The following RORA variants were observed in gnomAD, a reference collection of about 807,000 sequenced individuals.
The protein encoded by RORA is nuclear receptor ROR-alpha.
Under a neutral mutation model 69.5 loss-of-function variants are expected in RORA, and 7 were observed. The ratio of observed to expected loss-of-function variants is 0.10; its 90% CI spans 0.06 to 0.19. The LOEUF is 0.19. Among genes scored for constraint, RORA ranks in the 10% least tolerant of loss-of-function variants. The pLI, the probability that RORA is intolerant of heterozygous loss-of-function variation, is 1.00. For missense variants in RORA, 457 were observed against 663.0 expected (o/e 0.69, Z 3.41); for synonymous variants, 261 against 240.8 (o/e 1.08, Z -0.78).
rs3985701 is a variant in RORA at position 60,984,801 on chromosome 15, C to CTTTTT, written c.166+244247_166+244251dup. Reference sequence around the variant, plus strand: ...AAGCCTGGGCTTGGACTACATATGTCTTTTTTTTTTTTTTTCCTGTTTCAT... The same window carrying CTTTTT: ...AAGCCTGGGCTTGGACTACATATGTCTTTTTTTTTTTTTTTTTTTTCCTGTTTCAT... On this transcript the variant is annotated intron_variant, in intron 1 of 10. Coordinates refer to ENST00000335670, the MANE Select transcript of RORA (RefSeq NM_134261.3). Among the ~76,000 whole-genome samples the CTTTTT allele has an allele frequency of 4.8e-3, 662 of 137,208 alleles. 8 individuals are homozygous for CTTTTT. The highest frequency in any genetic ancestry group is 6.0e-3 in the Admixed American group (82 of 13,674). The allele number at this position is 137,208 out of a possible 152,430, so 90.0% of individuals were successfully genotyped here.
intron 1 of RORA, among the ~76,000 whole-genome samples, chr15:60,842,897 C>T (rs1018604699): frequency 2.0e-5 from 3 of 152,200 alleles, no homozygotes; most frequent in Non-Finnish European, 2.9e-5. Flanking sequence ...TGCCAGCCCG[C>T]CACATCTGCT....
At chr15:60,880,361 C>T (rs1200715241) in intron 1 of RORA, among the ~76,000 whole-genome samples, 2 of 152,214 alleles carry the variant, frequency 1.3e-5, no homozygotes, top group Non-Finnish European at 2.9e-5. Flanking sequence ...TTGAATTTCA[C>T]CAGGCACGGT....
At chr15:60,671,680 C>G (rs1020460599) in intron 2 of RORA, among the ~76,000 whole-genome samples, 1 of 151,806 alleles carries the variant, frequency 6.6e-6, no homozygotes, top group Non-Finnish European at 1.5e-5. Context: ...GGCGTGATCT[C>G]GGCTCACTGC....
chr15:60,763,435 T>TAAC (rs2071930394), intron 1 of RORA, among the ~76,000 whole-genome samples: 1 of 152,192 alleles, frequency 6.6e-6, no homozygotes, highest in South Asian at 2.1e-4. Flanking sequence ...TATTTTTCCT[T>TAAC]AACTTTCTTT....
chr15:60,663,891 T>G (rs2070342840), intron 2 of RORA, among the ~76,000 whole-genome samples: 1 of 152,068 alleles, frequency 6.6e-6, no homozygotes. Flanking sequence ...TTAACCCAAC[T>G]CTCCAGAATT....
At chr15:60,958,081 C>T (rs1023254978) in intron 1 of RORA, among the ~76,000 whole-genome samples, 2 of 151,956 alleles carry the variant, frequency 1.3e-5, no homozygotes, top group East Asian at 3.9e-4. Context: ...ATAAATTATT[C>T]AGAAACCTGA....
chr15:61,037,055 G>C (rs1404581542), intron 1 of RORA, among the ~76,000 whole-genome samples: 1 of 152,084 alleles, frequency 6.6e-6, no homozygotes, highest in African/African-American at 2.4e-5. Context: ...GAATGGGGTA[G>C]GAAGCTAGAC....
At chr15:60,921,856 C>A (rs1048123025) in intron 1 of RORA, among the ~76,000 whole-genome samples, 1 of 152,126 alleles carries the variant, frequency 6.6e-6, no homozygotes, top group African/African-American at 2.4e-5. Context: ...TAGCACTGAA[C>A]CTCACACATG....
At chr15:60,889,210 C>A (rs188013306) in intron 1 of RORA, among the ~76,000 whole-genome samples, 1 of 152,228 alleles carries the variant, frequency 6.6e-6, no homozygotes, top group Non-Finnish European at 1.5e-5. Flanking sequence ...CTAGATTCTC[C>A]GGTGCTGTGC....
chr15:60,647,915 G>A (rs1213388122), intron 2 of RORA, among the ~76,000 whole-genome samples: 1 of 152,228 alleles, frequency 6.6e-6, no homozygotes, highest in African/African-American at 2.4e-5. Context: ...GCAGGCATCA[G>A]GTGAGGAGGA....
intron 1 of RORA, among the ~76,000 whole-genome samples, chr15:61,000,605 C>T (rs572032780): frequency 2.6e-5 from 4 of 152,134 alleles, no homozygotes; most frequent in African/African-American, 7.2e-5. Flanking sequence ...AGAACAGAAG[C>T]TGCTAACCTG....
intron 1 of RORA, among the ~76,000 whole-genome samples, chr15:60,754,657 T>C (rs553936568): frequency 3.2e-4 from 48 of 152,294 alleles, no homozygotes; most frequent in African/African-American, 1.1e-3. Context: ...TCTGCCAACA[T>C]TGACATCCAC....
At chr15:60,653,298 CGTGTGTGTGT>C (rs61265165) in intron 2 of RORA, among the ~76,000 whole-genome samples, 11 of 147,482 alleles carry the variant, frequency 7.5e-5, no homozygotes, top group Non-Finnish European at 1.5e-4. Context: ...CAGGTGCATG[CGTGTGTGTGT>C]GTGTGTGTGT....
intron 1 of RORA, among the ~76,000 whole-genome samples, chr15:61,117,705 T>A (rs1243107838): frequency 6.6e-6 from 1 of 152,218 alleles, no homozygotes; most frequent in Non-Finnish European, 1.5e-5. Context: ...CGAAAGAAAA[T>A]GCATCAATAA....
intron 1 of RORA, among the ~76,000 whole-genome samples, chr15:60,795,213 G>C (rs1180913528): frequency 1.3e-5 from 2 of 152,194 alleles, no homozygotes; most frequent in Non-Finnish European, 2.9e-5. Context: ...GGTGGAGACA[G>C]CCATAGAGAG....
chr15:60,957,064 A>T (rs1347136429), intron 1 of RORA, among the ~76,000 whole-genome samples: 1 of 152,358 alleles, frequency 6.6e-6, no homozygotes, highest in African/African-American at 2.4e-5. Context: ...TCATTCACTC[A>T]TTCATTCATA....
intron 3 of RORA, among the ~76,000 whole-genome samples, chr15:60,519,276 A>G (rs1438719292): frequency 6.6e-6 from 1 of 152,178 alleles, no homozygotes; most frequent in East Asian, 1.9e-4. Flanking sequence ...ACTTCATACT[A>G]GGCACTCTAT....
At chr15:60,937,763 T>C (rs1397611893) in intron 1 of RORA, among the ~76,000 whole-genome samples, 1 of 152,172 alleles carries the variant, frequency 6.6e-6, no homozygotes, top group Non-Finnish European at 1.5e-5. Context: ...ACCCAGCCAC[T>C]CTGGCCATCT....
At chr15:60,932,337 T>C (rs571835011) in intron 1 of RORA, among the ~76,000 whole-genome samples, 3 of 152,276 alleles carry the variant, frequency 2.0e-5, no homozygotes, top group African/African-American at 7.2e-5. Context: ...GGCTGGGTCA[T>C]TCTGGACCGT....
Sources: allele counts gnomAD v4.1 joint callset (sites outside exome capture counted in the v4.1 genomes callset), GRCh38; gene constraint gnomAD v4.1.1; transcripts MANE v1.5; gene names NCBI Gene and HGNC (gene_info 2026-07-23, HGNC 2026-07-21).